VPS13D: variants seen among roughly 807,000 people sequenced by gnomAD.
VPS13D encodes intermembrane lipid transfer protein VPS13D.
VPS13D carries 187 observed loss-of-function variants against 461.9 expected under a neutral mutation model. That is an observed-to-expected ratio of 0.40 (90% CI 0.36 to 0.46). The LOEUF (loss-of-function observed/expected upper bound fraction) is 0.46. Ranked by LOEUF, VPS13D falls within the 20% of genes least tolerant of loss-of-function variation. The pLI is 0.60. For missense variants in VPS13D, 4,711 were observed against 5,364.9 expected (o/e 0.88, Z 3.81); for synonymous variants, 1,951 against 1,986.3 (o/e 0.98, Z 0.47).
chr1:12,478,435 C>T (rs1645664876), intron 67 of VPS13D: 1 of 175,668 alleles, frequency 5.7e-6, no homozygotes, highest in Admixed American at 5.6e-5. Flanking sequence ...GCCTGACCGA[C>T]AGTTGAACCA....
chr1:12,304,702 C>T lies in VPS13D; in HGVS notation c.6413C>T (p.Ser2138Phe), dbSNP rs1275652468. 5.6e-6 allele frequency: 9 copies of T among 1,613,796 alleles called. No homozygotes were observed. Among genetic ancestry groups the T allele is most frequent in the East Asian group, 2.2e-5 (1 of 44,884 alleles). The change falls in exon 26 of 70, where the codon TCT becomes TTT. Residue 2138 changes from serine to phenylalanine, a missense_variant. This residue lies in a region of VPS13D where 4,411 missense variants were observed against 4,937.8 expected (regional missense o/e 0.89). Coordinates refer to ENST00000620676, the MANE Select transcript of VPS13D (RefSeq NM_015378.4). The stretch of plus-strand genomic sequence containing the variant: ...CAGCAAGGGCCGCAACCCACACTGT[C>T]TGTTGGCCAAGAGTCCAGTAGTCCA... ...TKQQGPQPTLSVGQESSSPED... is the reference protein window; with the variant it reads ...TKQQGPQPTLFVGQESSSPED...
chr1:12,474,149 G>A lies in VPS13D; in HGVS notation c.12662+13753G>A, dbSNP rs80224506. Among the ~76,000 whole-genome samples the A allele has an allele frequency of 1.2e-3, 180 of 152,232 alleles. 2 individuals carry two copies. In the East Asian group the frequency reaches 0.03, roughly 26 times the overall value. The stretch of plus-strand genomic sequence containing the variant: ...CAAACATTGGCATCTGTTGTCTGCC[G>A]AGACTAGGACAACCGAGAATGATGG... On this transcript the variant is annotated intron_variant, in intron 67 of 69. Coordinates refer to ENST00000620676, the MANE Select transcript of VPS13D (RefSeq NM_015378.4).
intron 2 of VPS13D, among the ~76,000 whole-genome samples, chr1:12,239,618 A>G (rs1446568894): frequency 6.6e-6 from 1 of 152,210 alleles, no homozygotes; most frequent in Non-Finnish European, 1.5e-5. Flanking sequence ...CTGGGGGCCT[A>G]TCGTATATTT....
At chr1:12,499,597 C>T (rs1396745925) in intron 68 of VPS13D, 1 of 985,288 alleles carries the variant, frequency 1.0e-6, no homozygotes, top group Non-Finnish European at 1.2e-6. Context: ...AAATAGCTTT[C>T]ATGAAACTCA....
intron 14 of VPS13D, 109 bp from the exon 15 acceptor site, chr1:12,267,736 G>A: frequency 5.1e-6 from 5 of 975,286 alleles, no homozygotes; most frequent in Non-Finnish European, 8.1e-6. Flanking sequence ...AGTGAGTTTT[G>A]ATTTGATGGT....
chr1:12,369,033 A>AG (rs1644078515), intron 53 of VPS13D, among the ~76,000 whole-genome samples: 1 of 152,210 alleles, frequency 6.6e-6, no homozygotes, highest in Non-Finnish European at 1.5e-5. Flanking sequence ...TTCAAATAAT[A>AG]ATAGGTCTTA....
chr1:12,347,736 A>G (rs75328731), intron 44 of VPS13D, among the ~76,000 whole-genome samples: 1 of 152,210 alleles, frequency 6.6e-6, no homozygotes, highest in African/African-American at 2.4e-5. Context: ...CTTGAATGTC[A>G]TGCCATTTGT....
At chr1:12,247,186 G>A (rs895418023) in intron 5 of VPS13D, among the ~76,000 whole-genome samples, 6 of 152,120 alleles carry the variant, frequency 3.9e-5, no homozygotes, top group Admixed American at 1.3e-4. Flanking sequence ...ACTTTGGGAG[G>A]CCAAGGCAGG....
At chr1:12,287,488 G>A (rs1329018033) in intron 21 of VPS13D, among the ~76,000 whole-genome samples, 2 of 152,166 alleles carry the variant, frequency 1.3e-5, no homozygotes, top group Non-Finnish European at 2.9e-5. Flanking sequence ...AGTGGAGGGT[G>A]TGAATTGAAG....
intron 60 of VPS13D, among the ~76,000 whole-genome samples, chr1:12,387,243 C>T (rs1644361612): frequency 6.6e-6 from 1 of 152,188 alleles, no homozygotes; most frequent in Admixed American, 6.5e-5. Context: ...CTGAGCACTG[C>T]TATAGACTGC....
chr1:12,296,559 C>T (rs1642283648), intron 24 of VPS13D, among the ~76,000 whole-genome samples: 1 of 152,138 alleles, frequency 6.6e-6, no homozygotes, highest in Admixed American at 6.5e-5. Flanking sequence ...ACTATATAAT[C>T]TATTAGTTTA....
At chr1:12,233,591 C>G (rs1360151243) in intron 1 of VPS13D, among the ~76,000 whole-genome samples, 1 of 152,140 alleles carries the variant, frequency 6.6e-6, no homozygotes, top group Non-Finnish European at 1.5e-5. Flanking sequence ...CATAAGCAAG[C>G]AATGGACAGT....
intron 60 of VPS13D, among the ~76,000 whole-genome samples, chr1:12,398,003 C>A (rs75806396): frequency 2.6e-4 from 40 of 152,230 alleles, no homozygotes; most frequent in Non-Finnish European, 5.4e-4. Context: ...GCCTTAGAGG[C>A]TGTGGTGAGA....
chr1:12,238,886 G>A (rs1385748860), intron 2 of VPS13D, among the ~76,000 whole-genome samples: 1 of 151,814 alleles, frequency 6.6e-6, no homozygotes, highest in Non-Finnish European at 1.5e-5. Flanking sequence ...CTCCTGCTTG[G>A]CCTCCTAAAG....
At chr1:12,301,312 C>G (rs564005983) in intron 25 of VPS13D, among the ~76,000 whole-genome samples, 1 of 152,338 alleles carries the variant, frequency 6.6e-6, no homozygotes, top group East Asian at 1.9e-4. Flanking sequence ...CCCACTCAGA[C>G]ACCAGTCACA....
At chr1:12,347,449 T>G (rs1349098612) in intron 44 of VPS13D, among the ~76,000 whole-genome samples, 1 of 152,162 alleles carries the variant, frequency 6.6e-6, no homozygotes, top group Non-Finnish European at 1.5e-5. Context: ...GGATTACAGG[T>G]GTGAGCCAAC....
At chr1:12,459,259 T>C (rs991349242) in intron 66 of VPS13D, among the ~76,000 whole-genome samples, 2 of 152,212 alleles carry the variant, frequency 1.3e-5, no homozygotes, top group Non-Finnish European at 2.9e-5. Context: ...TGAAGTGATA[T>C]GTGGGCATCG....
At chr1:12,472,184 G>A (rs1645571289) in intron 67 of VPS13D, among the ~76,000 whole-genome samples, 1 of 152,148 alleles carries the variant, frequency 6.6e-6, no homozygotes, top group South Asian at 2.1e-4. Flanking sequence ...AGTCCCCAGA[G>A]AATCTGGTGA....
intron 25 of VPS13D, among the ~76,000 whole-genome samples, chr1:12,301,224 C>A (rs2101462853): frequency 6.6e-6 from 1 of 152,298 alleles, no homozygotes; most frequent in Admixed American, 6.5e-5. Flanking sequence ...TGTGCAGATA[C>A]CAACTTGTCT....
Sources: gnomAD v4.1 joint callset for allele counts (sites outside exome capture counted in the v4.1 genomes callset) on GRCh38, gnomAD v4.1.1 for gene constraint, gnomAD v4.1.1 regional missense constraint, MANE v1.5 for transcripts, NCBI Gene and HGNC (gene_info 2026-07-23, HGNC 2026-07-21) for gene names.